The following ZC3H6 variants were observed in gnomAD, a reference collection of about 807,000 sequenced individuals.
ZC3H6 encodes zinc finger CCCH domain-containing protein 6.
In ZC3H6, 40 loss-of-function variants were observed where a neutral mutation model predicts 107.7. That is an observed-to-expected ratio of 0.37 (90% CI 0.29 to 0.48). ZC3H6 has a LOEUF of 0.48. ZC3H6 is among the 20% of genes least tolerant of loss of function. ZC3H6 has a pLI of 0.98. For missense variants in ZC3H6, 1,267 were observed against 1,410.4 expected (o/e 0.90, Z 1.63); for synonymous variants, 493 against 487.9 (o/e 1.01, Z -0.14).
intron 11 of ZC3H6, among the ~76,000 whole-genome samples, chr2:112,326,853 T>C (rs1483610449): frequency 6.6e-6 from 1 of 152,164 alleles, no homozygotes; most frequent in Non-Finnish European, 1.5e-5. Context: ...CCTCAGGTGA[T>C]CTGCCCGCCT....
chr2:112,326,959 G>T (rs904589771), intron 11 of ZC3H6, among the ~76,000 whole-genome samples: 2 of 152,152 alleles, frequency 1.3e-5, no homozygotes, highest in African/African-American at 4.8e-5. Flanking sequence ...CTTGGTTATT[G>T]TGAATAATGC....
At chr2:112,322,948 A>T in intron 9 of ZC3H6, 46 bp downstream of exon 9, 4 of 1,526,052 alleles carry the variant, frequency 2.6e-6, no homozygotes, top group Non-Finnish European at 3.5e-6. Flanking sequence ...TTTTTCTGAA[A>T]ATTATCATTA....
chr2:112,314,657 T>C (rs928524942), intron 5 of ZC3H6, among the ~76,000 whole-genome samples: 1 of 152,186 alleles, frequency 6.6e-6, no homozygotes, highest in Non-Finnish European at 1.5e-5. Flanking sequence ...TAATTTACTT[T>C]CTTTGGCTGT....
At chr2:112,318,062 A>C (rs1676735008) in intron 7 of ZC3H6, among the ~76,000 whole-genome samples, 1 of 152,188 alleles carries the variant, frequency 6.6e-6, no homozygotes, top group Non-Finnish European at 1.5e-5. Flanking sequence ...CTGCCACAAC[A>C]GCCACGGTAA....
chr2:112,276,093 CCG>C, intron 1 of ZC3H6, 67 bp downstream of exon 1: 1 of 1,470,448 alleles, frequency 6.8e-7, no homozygotes, highest in South Asian at 1.2e-5. Flanking sequence ...CGGGAGCGGG[CCG>C]GGGCCGGGCG....
Position 112,297,327 on chromosome 2 carries a change from T to C in ZC3H6, c.33-2522T>C, listed in dbSNP as rs369530805. 4.6e-5 allele frequency among the ~76,000 whole-genome samples: 7 copies of C among 152,376 alleles called. No homozygotes were observed. The East Asian group carries it at 1.2e-3, about 25-fold the overall frequency. On this transcript the variant is annotated intron_variant, in intron 1 of 11. Coordinates refer to ENST00000409871, the MANE Select transcript of ZC3H6 (RefSeq NM_198581.3). ...GGCAGGAGAGTGACATGATCAGTTT[T>C]GTATTTAAGAAATTACACATACCTG... is the stretch of plus-strand genomic sequence containing the variant.
In ZC3H6 at chr2:112,299,970, A is replaced by G; in HGVS notation, c.154A>G (p.Lys52Glu). The G allele has an allele frequency of 6.6e-7, 1 of 1,508,442 alleles. No individual in the cohort carries two copies. Among genetic ancestry groups the G allele is most frequent in the African/African-American group, 1.4e-5 (1 of 70,784 alleles). The allele number at this position is 1,508,442 out of a possible 1,614,324, so 93.4% of individuals were successfully genotyped here. The change falls in exon 2 of 12, where the codon AAA becomes GAA. Residue 52 changes from lysine (K) to glutamate (E), a missense_variant. Around this residue, in one of 3 missense-constraint regions of ZC3H6, gnomAD observed 337 missense variants for 361.2 expected, o/e 0.93. Coordinates refer to ENST00000409871, the MANE Select transcript of ZC3H6 (RefSeq NM_198581.3). ...GAAAGCCTACAGAAAATCAAGAAAA[A>G]AACATAAGAAAGAGAGAGAGAAGAA... ...SEKAYRKSRK[K>E]HKKEREKKKS...
intron 11 of ZC3H6, among the ~76,000 whole-genome samples, chr2:112,327,867 A>G (rs1482966704): frequency 2.0e-5 from 3 of 151,564 alleles, no homozygotes; most frequent in African/African-American, 2.4e-5. Context: ...CCATTGGTCT[A>G]TGTGTCTGTT....
At chr2:112,278,607 C>T (rs1335182059) in intron 1 of ZC3H6, among the ~76,000 whole-genome samples, 1 of 152,238 alleles carries the variant, frequency 6.6e-6, no homozygotes, top group African/African-American at 2.4e-5. Context: ...GGGTGAGCCA[C>T]TGTGCCCAGC....
In ZC3H6 at chr2:112,324,459, G is replaced by T. The variant is rs1188472947; in HGVS notation, c.1648G>T (p.Ala550Ser). 1.9e-6 allele frequency: 3 copies of T among 1,613,922 alleles called. No homozygotes were observed. The highest frequency in any genetic ancestry group is 2.5e-6 in the Non-Finnish European group (3 of 1,179,868). ...TTTGACACCACCAAGTATGGGTGGG[G>T]CTTACCACTCCCCAGGCTTTCCAGG... ...TSLTPPSMGGAYHSPGFPGHV... is the reference protein window; with the variant it reads ...TSLTPPSMGGSYHSPGFPGHV... Residue 550 changes from alanine (A) to serine (S), a missense_variant, in exon 10 of 12, where the codon GCT becomes TCT. By Grantham distance (99) the Ala-to-Ser change is moderately conservative. Transcript: ENST00000409871.
rs780253961 is a variant in ZC3H6, at chr2:112,332,130, CAAAG to C, written c.3215_3218del (p.Lys1072ThrfsTer8). ...GCAACAGCTTCTTCAGGAGAAAACT[CAAAG>C]AACCAGAAAAAAAGTGGTGGCTTAA... is the stretch of plus-strand genomic sequence containing the variant. On this transcript the variant is annotated frameshift_variant, in exon 12 of 12. Transcript: ENST00000409871. LOFTEE classifies it high-confidence loss of function. 26 of 1,613,782 alleles carry C rather than the reference CAAAG, an allele frequency of 1.6e-5. No homozygotes were observed. The highest frequency in any genetic ancestry group is 1.9e-5 in the Non-Finnish European group (22 of 1,179,864).
chr2:112,292,722 G>A (rs1454132863), intron 1 of ZC3H6, among the ~76,000 whole-genome samples: 5 of 152,116 alleles, frequency 3.3e-5, no homozygotes, highest in Non-Finnish European at 5.9e-5. Flanking sequence ...GCTGTTACCT[G>A]TAACCACTTG....
At chr2:112,311,018 A>G (rs936592156) in intron 4 of ZC3H6, among the ~76,000 whole-genome samples, 15 of 152,334 alleles carry the variant, frequency 9.8e-5, no homozygotes, top group African/African-American at 3.6e-4. Context: ...TGTAGTCTAG[A>G]TGTTGTGGTA....
rs1352233817 is a variant in ZC3H6 at position 112,331,224 on chromosome 2, G to A, written c.2306G>A (p.Arg769Lys). ...RLRTIPRQDI[R>K]KPSESAPLDL... The stretch of plus-strand genomic sequence containing the variant: ...AGGACTATCCCAAGGCAAGACATTA[G>A]AAAGCCTTCTGAGTCTGCCCCACTG... The change falls in exon 12 of 12, where the codon AGA (arginine) becomes AAA (lysine). Residue 769 changes from arginine to lysine, a missense_variant. Arg to Lys is a conservative substitution (Grantham distance 26). This residue lies in a region of ZC3H6 where 925 missense variants were observed against 1,025.7 expected (regional missense o/e 0.90). Coordinates refer to ENST00000409871, the MANE Select transcript of ZC3H6 (RefSeq NM_198581.3). 6.2e-7 allele frequency: 1 copy of A among 1,613,248 alleles called. No homozygotes were observed.
intron 5 of ZC3H6, among the ~76,000 whole-genome samples, chr2:112,313,175 T>A (rs541965100): frequency 1.1e-4 from 17 of 151,858 alleles, no homozygotes; most frequent in Non-Finnish European, 2.1e-4. Context: ...AACCCATCAT[T>A]TACTCAACTA....
chr2:112,298,175 A>C (rs1190527142), intron 1 of ZC3H6, among the ~76,000 whole-genome samples: 1 of 152,036 alleles, frequency 6.6e-6, no homozygotes, highest in African/African-American at 2.4e-5. Flanking sequence ...TTTTTTTCAG[A>C]TTATGAAAAA....
intron 1 of ZC3H6, among the ~76,000 whole-genome samples, chr2:112,296,084 T>C (rs1676225892): frequency 6.6e-6 from 1 of 152,194 alleles, no homozygotes; most frequent in Admixed American, 6.5e-5. Context: ...AATACTTAAA[T>C]GTATAACTTG....
chr2:112,306,003 A>G (rs1410498504), intron 3 of ZC3H6, among the ~76,000 whole-genome samples: 1 of 152,042 alleles, frequency 6.6e-6, no homozygotes, highest in Non-Finnish European at 1.5e-5. Context: ...CTAGAGTGTA[A>G]TTTGCCTTTA....
chr2:112,297,132 C>A (rs1463859151), intron 1 of ZC3H6, among the ~76,000 whole-genome samples: 1 of 152,140 alleles, frequency 6.6e-6, no homozygotes, highest in East Asian at 1.9e-4. Flanking sequence ...TGAAGATTAT[C>A]TTTTTATTAT....
Sources: gnomAD v4.1 joint callset for allele counts (sites outside exome capture counted in the v4.1 genomes callset) on GRCh38, gnomAD v4.1.1 for gene constraint, gnomAD v4.1.1 regional missense constraint, MANE v1.5 for transcripts, NCBI Gene and HGNC (gene_info 2026-07-23, HGNC 2026-07-21) for gene names.